The following ANO10 variants were observed in gnomAD, a reference collection of about 807,000 sequenced individuals.
The protein encoded by ANO10 is anoctamin-10.
ANO10 carries 77 observed loss-of-function variants against 74.7 expected under a neutral mutation model. That is an observed-to-expected ratio of 1.03 (90% CI 0.86 to 1.25). The LOEUF (loss-of-function observed/expected upper bound fraction) is 1.25. Among genes scored for constraint, ANO10 ranks in the 50% most tolerant of loss-of-function variants. ANO10 has a pLI of 0.00. For missense variants in ANO10, 721 were observed against 778.1 expected, an observed-to-expected ratio of 0.93 and a Z score of 0.87; for synonymous variants, 279 against 284.9, an observed-to-expected ratio of 0.98 and a Z score of 0.21.
At chr3:43,596,703 G>A (rs1268639898) in intron 4 of ANO10, among the ~76,000 whole-genome samples, 33 of 152,152 alleles carry the variant, frequency 2.2e-4, no homozygotes, top group Admixed American at 2.0e-3. Flanking sequence ...ATAGGCATGG[G>A]CAAGGACTTC....
At chr3:43,508,111 A>C (rs2077365143) in intron 11 of ANO10, among the ~76,000 whole-genome samples, 1 of 152,144 alleles carries the variant, frequency 6.6e-6, no homozygotes, top group South Asian at 2.1e-4. Context: ...AAAGAATAAA[A>C]ATAATTAAAA....
At chr3:43,591,234 C>T (rs7618790) in intron 4 of ANO10, among the ~76,000 whole-genome samples, 2,907 of 152,308 alleles carry the variant, frequency 0.019, 97 homozygotes, top group African/African-American at 0.066. Flanking sequence ...CCATTGACTT[C>T]CATCCCTCCA....
chr3:43,553,491 T>A (rs192577818), intron 10 of ANO10, among the ~76,000 whole-genome samples: 6 of 152,058 alleles, frequency 3.9e-5, no homozygotes, highest in Non-Finnish European at 7.4e-5. Flanking sequence ...GCTATGTTTG[T>A]GCTTACAGAA....
At chr3:43,654,421 C>A (rs745519976) in intron 1 of ANO10, among the ~76,000 whole-genome samples, 2 of 151,672 alleles carry the variant, frequency 1.3e-5, no homozygotes, top group Non-Finnish European at 2.9e-5. Context: ...GAAAAATAAT[C>A]AATTCTTTAT....
At position 43,441,051 on chromosome 3, in the gene ANO10, A is replaced by G. The variant is rs138053224; in HGVS notation, c.1798-8324T>C. ...TATGGGACATAGCAACGACAGTACT[A>G]AGAGAGAAGTTTATAGTGGTAAATG... On this transcript the variant is annotated intron_variant, in intron 11 of 12. Coordinates refer to ENST00000292246, the MANE Select transcript of ANO10 (RefSeq NM_018075.5). Among the ~76,000 whole-genome samples the G allele has an allele frequency of 4.3e-4, 66 of 152,210 alleles. No individual in the cohort carries two copies. The East Asian group carries it at 0.011, about 25-fold the overall frequency.
chr3:43,566,336 A>G (rs1232296299), intron 7 of ANO10, among the ~76,000 whole-genome samples: 1 of 152,264 alleles, frequency 6.6e-6, no homozygotes, highest in Non-Finnish European at 1.5e-5. Context: ...AGCCCACCAC[A>G]GCTGAAGGAG....
At chr3:43,376,121 G>T (rs1315230324) in intron 12 of ANO10, among the ~76,000 whole-genome samples, 6 of 152,166 alleles carry the variant, frequency 3.9e-5, no homozygotes, top group African/African-American at 1.2e-4. Flanking sequence ...CAAAGAGCAT[G>T]GCAAGAACCA....
rs2081887451 is a variant in ANO10, at chr3:43,593,157, G to A, written c.472+5375C>T. Among the ~76,000 whole-genome samples, 8 of 152,208 alleles carry A rather than the reference G, an allele frequency of 5.3e-5. No individual in the cohort carries two copies. In the South Asian group the frequency reaches 1.7e-3, roughly 31 times the overall value. ...GATTGCTGTACCTGAAAGTGACGGAGAGAATGGAAACAAGTTGGAAACACT... is the reference window on the plus strand; with the variant it reads ...GATTGCTGTACCTGAAAGTGACGGAAAGAATGGAAACAAGTTGGAAACACT... On this transcript the variant is annotated intron_variant, in intron 4 of 12. Coordinates refer to ENST00000292246, the MANE Select transcript of ANO10 (RefSeq NM_018075.5).
Position 43,412,484 on chromosome 3 carries a change from C to T in ANO10, c.1914+20127G>A, listed in dbSNP as rs375217684. ...CACTGCACTGGGCCAGCTGCTCTGG[C>T]GCATTCTCACACTTCCTCTACCAAC... is the stretch of plus-strand genomic sequence containing the variant. On this transcript the variant is annotated intron_variant, in intron 12 of 12. Coordinates refer to ENST00000292246, the MANE Select transcript of ANO10 (RefSeq NM_018075.5). Among the ~76,000 whole-genome samples the T allele has an allele frequency of 6.6e-5, 10 of 152,308 alleles. No homozygotes were observed. The East Asian group carries it at 1.2e-3, about 18-fold the overall frequency.
chr3:43,447,161 T>A (rs1371099294), intron 11 of ANO10, among the ~76,000 whole-genome samples: 1 of 152,206 alleles, frequency 6.6e-6, no homozygotes, highest in East Asian at 1.9e-4. Context: ...GGTGCTGCAA[T>A]AAATTTCCTC....
chr3:43,484,670 T>C (rs1253107158), intron 11 of ANO10, among the ~76,000 whole-genome samples: 1 of 152,218 alleles, frequency 6.6e-6, no homozygotes, highest in Non-Finnish European at 1.5e-5. Context: ...ATGTTAGTGC[T>C]AGTCAGTTGT....
Position 43,612,462 on chromosome 3 carries a change from G to C in ANO10, c.-11-6599C>G, listed in dbSNP as rs541897027. On this transcript the variant is annotated intron_variant, in intron 1 of 12. Coordinates refer to ENST00000292246, the MANE Select transcript of ANO10 (RefSeq NM_018075.5). Reference sequence around the variant, plus strand: ...TCTCAGGGATACCACCTTCAGCTCTGTTACCAAGCTTGCAAAATAGTGGAG... The same window carrying C: ...TCTCAGGGATACCACCTTCAGCTCTCTTACCAAGCTTGCAAAATAGTGGAG... 1.8e-3 allele frequency among the ~76,000 whole-genome samples: 274 copies of C among 152,018 alleles called. 1 individual carries two copies. Among genetic ancestry groups the C allele is most frequent in the African/African-American group, 6.3e-3 (261 of 41,480 alleles).
At chr3:43,367,823 T>C (rs932931796) in intron 12 of ANO10, among the ~76,000 whole-genome samples, 3 of 152,174 alleles carry the variant, frequency 2.0e-5, no homozygotes, top group Non-Finnish European at 4.4e-5. Context: ...GAAGTTGGCT[T>C]CAAACAGATT....
intron 12 of ANO10, among the ~76,000 whole-genome samples, chr3:43,400,712 T>C (rs934254202): frequency 6.6e-6 from 1 of 152,062 alleles, no homozygotes; most frequent in African/African-American, 2.4e-5. Context: ...CCCGGGAGTC[T>C]AAGGCTGCAG....
intron 9 of ANO10, 31 bp from the exon 10 acceptor site, chr3:43,555,500 A>G (rs976538789): frequency 6.3e-7 from 1 of 1,592,030 alleles, no homozygotes; most frequent in Non-Finnish European, 8.6e-7. Flanking sequence ...GCATTATTTT[A>G]ATATCATACA....
At chr3:43,544,952 T>C (rs1389908168) in intron 11 of ANO10, among the ~76,000 whole-genome samples, 1 of 152,182 alleles carries the variant, frequency 6.6e-6, no homozygotes, top group African/African-American at 2.4e-5. Context: ...ATAAAATTGT[T>C]ACATTTTCTA....
chr3:43,567,487 G>A lies in ANO10; in HGVS notation c.1219-1760C>T, dbSNP rs556982653. On this transcript the variant is annotated intron_variant, in intron 7 of 12. Transcript: ENST00000292246. Reference sequence around the variant, plus strand: ...CCATCAGACTAACAGCAGATCTCTCGGCAGAAACTCTACAAGCCAGAAGAG... The same window carrying A: ...CCATCAGACTAACAGCAGATCTCTCAGCAGAAACTCTACAAGCCAGAAGAG... Among the ~76,000 whole-genome samples, 884 of 151,896 alleles carry A rather than the reference G, an allele frequency of 5.8e-3. 6 individuals carry two copies. The highest frequency in any genetic ancestry group is 0.02 in the African/African-American group (820 of 41,404).
chr3:43,654,311 C>T (rs1269437903), intron 1 of ANO10, among the ~76,000 whole-genome samples: 1 of 152,140 alleles, frequency 6.6e-6, no homozygotes, highest in African/African-American at 2.4e-5. Context: ...CTTTGAAATA[C>T]TCTGTTGGGT....
intron 12 of ANO10, among the ~76,000 whole-genome samples, chr3:43,388,789 A>G (rs2092197816): frequency 6.6e-6 from 1 of 152,262 alleles, no homozygotes; most frequent in Admixed American, 6.5e-5. Context: ...TACACAGCAC[A>G]TTCAGAAGAG....
Sources: allele counts gnomAD v4.1 joint callset (sites outside exome capture counted in the v4.1 genomes callset), GRCh38; gene constraint gnomAD v4.1.1; transcripts MANE v1.5; gene names NCBI Gene and HGNC (gene_info 2026-07-23, HGNC 2026-07-21).